Variants in ERI1 observed in about 807,000 individuals in gnomAD.
The protein encoded by ERI1 is 3'-5' exoribonuclease 1.
Under a neutral mutation model 39.7 loss-of-function variants are expected in ERI1, and 39 were observed. The observed-to-expected ratio is 0.98, with a 90% confidence interval of 0.76 to 1.28. The LOEUF (loss-of-function observed/expected upper bound fraction) is 1.28, where lower values mean the gene tolerates loss of function less well. Among genes scored for constraint, ERI1 ranks in the 50% most tolerant of loss-of-function variants. ERI1 has a pLI of 0.00. For synonymous variants in ERI1, 204 were observed against 149.6 expected (o/e 1.36, Z -2.65); for missense variants, 581 against 416.9 (o/e 1.39, Z -3.43).
intron 3 of ERI1, among the ~76,000 whole-genome samples, chr8:9,052,674 A>G (rs145377436): frequency 1.6e-4 from 25 of 152,336 alleles, no homozygotes; most frequent in African/African-American, 5.5e-4. Context: ...CAAGAGATTT[A>G]CCCAGAAAAC....
chr8:9,022,154 A>C (rs1412950448), intron 6 of ERI1, among the ~76,000 whole-genome samples: 1 of 152,024 alleles, frequency 6.6e-6, no homozygotes, highest in African/African-American at 2.4e-5. Flanking sequence ...TTTTGCTAGC[A>C]TCTGATATTG....
chr8:9,065,467 A>G (rs201230426), intron 3 of ERI1, among the ~76,000 whole-genome samples: 1 of 152,076 alleles, frequency 6.6e-6, no homozygotes, highest in Non-Finnish European at 1.5e-5. Context: ...AGGCTGAGGC[A>G]GGCAGATCAC....
chr8:9,021,706 A>T (rs1314073774), intron 6 of ERI1, among the ~76,000 whole-genome samples: 1 of 148,568 alleles, frequency 6.7e-6, no homozygotes, highest in Admixed American at 6.7e-5. Context: ...TCCTTATATT[A>T]TATAGTTTTG....
chr8:9,084,981 T>A (rs548166984), intron 3 of ERI1, among the ~76,000 whole-genome samples: 15 of 152,138 alleles, frequency 9.9e-5, no homozygotes, highest in Non-Finnish European at 2.2e-4. Flanking sequence ...CCCCCCTGCA[T>A]CCCCCTCCAG....
At chr8:9,080,410 G>A (rs1799332864) in intron 3 of ERI1, among the ~76,000 whole-genome samples, 1 of 152,312 alleles carries the variant, frequency 6.6e-6, no homozygotes, top group Middle Eastern at 3.4e-3. Context: ...GAGTGACAGT[G>A]ACATTTCTCC....
intron 3 of ERI1, among the ~76,000 whole-genome samples, chr8:9,082,857 A>G (rs1247937780): frequency 1.3e-5 from 2 of 152,204 alleles, no homozygotes; most frequent in African/African-American, 4.8e-5. Flanking sequence ...TTCAGGGTGA[A>G]CTAAGACATG....
Position 9,003,037 on chromosome 8 carries a change from C to T in ERI1, c.-27C>T. ...AGAGTTAGCAAGTGTCCGGCTCCAG[C>T]AACTCTCCTCTGGCGTGACAGCCGG... On this transcript the variant is annotated 5_prime_UTR_variant, in exon 1 of 7. Coordinates refer to ENST00000250263, the MANE Select transcript of ERI1 (RefSeq NM_153332.4). 1 of 1,221,766 alleles carries T rather than the reference C, an allele frequency of 8.2e-7. No homozygotes were observed. The highest frequency in any genetic ancestry group is 1.0e-6 in the Non-Finnish European group (1 of 965,304). 75.7% of individuals were successfully genotyped at this position (1,221,766 alleles called of 1,614,324 possible). A position where few individuals can be genotyped will look rare whatever the true frequency, so the allele number is the denominator to read the frequency against.
chr8:9,005,573 G>T (rs369462951), intron 1 of ERI1, among the ~76,000 whole-genome samples: 6 of 148,880 alleles, frequency 4.0e-5, no homozygotes, highest in African/African-American at 2.5e-5. Flanking sequence ...GGAGTGCAGC[G>T]GCTCAGTCTC....
rs1797713836 is a variant in ERI1, at chr8:9,033,273, A to C, written c.*3239A>C. ...ATATTCCCTTTTGTTAATGGCTCAA[A>C]ATAATATTTTGTATAATACGAAAAT... On this transcript the variant is annotated 3_prime_UTR_variant, in exon 7 of 7. Coordinates refer to ENST00000250263, the MANE Select transcript of ERI1 (RefSeq NM_153332.4). 1 of 152,224 alleles carries C rather than the reference A, an allele frequency of 6.6e-6. No individual in the cohort carries two copies. Among genetic ancestry groups the C allele is most frequent in the Admixed American group, 6.5e-5 (1 of 15,278 alleles). The allele number at this position is 152,224 out of a possible 1,614,324, so 9.4% of individuals were successfully genotyped here.
intron 3 of ERI1, among the ~76,000 whole-genome samples, chr8:9,075,656 G>C (rs964045289): frequency 6.6e-6 from 1 of 152,036 alleles, no homozygotes; most frequent in Non-Finnish European, 1.5e-5. Flanking sequence ...AATCCCCACG[G>C]TGTGCACACA....
chr8:9,084,426 C>T (rs942564002), intron 3 of ERI1, among the ~76,000 whole-genome samples: 3 of 152,136 alleles, frequency 2.0e-5, no homozygotes, highest in Non-Finnish European at 2.9e-5. Flanking sequence ...ACAGTGGCTG[C>T]CCTAAACCTG....
At chr8:9,057,517 G>A (rs1198423736) in intron 3 of ERI1, among the ~76,000 whole-genome samples, 1 of 152,124 alleles carries the variant, frequency 6.6e-6, no homozygotes, top group Non-Finnish European at 1.5e-5. Context: ...CTAGTGTGTG[G>A]TTTGCAAAAC....
intron 3 of ERI1, among the ~76,000 whole-genome samples, chr8:9,049,396 GAAAAA>G (rs11398414): frequency 1.5e-5 from 2 of 129,112 alleles, no homozygotes; most frequent in Non-Finnish European, 1.7e-5. Flanking sequence ...AATTAATGGT[GAAAAA>G]AAAATGTCAA....
chr8:9,009,141 A>G (rs1207708896), intron 2 of ERI1: 3 of 453,562 alleles, frequency 6.6e-6, no homozygotes, highest in Non-Finnish European at 1.3e-5. Context: ...ATCTAGATGT[A>G]TGTTTATACG....
At chr8:9,020,550 G>A (rs1007422300) in intron 6 of ERI1, 86 bp downstream of exon 6, 25 of 826,390 alleles carry the variant, frequency 3.0e-5, no homozygotes, top group Non-Finnish European at 4.4e-5. Context: ...AATTTTCCAG[G>A]TGTTTTTCAT....
chr8:9,051,482 G>A (rs1258017660), intron 3 of ERI1, among the ~76,000 whole-genome samples: 2 of 151,944 alleles, frequency 1.3e-5, no homozygotes, highest in Admixed American at 1.3e-4. Context: ...CATGGTGAAA[G>A]CACATCTCTA....
chr8:9,051,926 A>G (rs1798368890), intron 3 of ERI1, among the ~76,000 whole-genome samples: 1 of 152,182 alleles, frequency 6.6e-6, no homozygotes, highest in South Asian at 2.1e-4. Flanking sequence ...TTAGAGAGTG[A>G]GTATGGTGTA....
chr8:9,087,683 A>C (rs1212446993), intron 3 of ERI1, among the ~76,000 whole-genome samples: 1 of 152,216 alleles, frequency 6.6e-6, no homozygotes, highest in Non-Finnish European at 1.5e-5. Context: ...AACACATTTC[A>C]ATAGATAAAT....
intron 3 of ERI1, among the ~76,000 whole-genome samples, chr8:9,082,192 G>T (rs774269840): frequency 6.6e-6 from 1 of 152,204 alleles, no homozygotes. Context: ...AGAGGGGAAG[G>T]AGAATGGAGA....
Sources: allele counts gnomAD v4.1 joint callset (sites outside exome capture counted in the v4.1 genomes callset), GRCh38; gene constraint gnomAD v4.1.1; transcripts MANE v1.5; gene names NCBI Gene and HGNC (gene_info 2026-07-23, HGNC 2026-07-21).